Variants in ZFAT observed in about 807,000 individuals in gnomAD.
ZFAT encodes zinc finger protein ZFAT.
In ZFAT, 64 loss-of-function variants were observed where a neutral mutation model predicts 117.7. The observed-to-expected ratio is 0.54, with a 90% confidence interval of 0.44 to 0.67. The LOEUF (loss-of-function observed/expected upper bound fraction) is 0.67, where lower values mean the gene tolerates loss of function less well. ZFAT is among the 30% of genes least tolerant of loss of function. The pLI is 0.00. For synonymous variants in ZFAT, 679 were observed against 615.0 expected (o/e 1.10, Z -1.54); for missense variants, 1,433 against 1,584.5 (o/e 0.90, Z 1.62).
the ZFAT span, among the ~76,000 whole-genome samples, chr8:134,807,073 A>T: frequency 1.3e-5 from 2 of 152,238 alleles, no homozygotes; most frequent in Non-Finnish European, 2.9e-5. Context: ...GCATACATAC[A>T]ATCTGCTGTA....
chr8:134,674,409 G>A (rs1384093982), intron 1 of ZFAT, among the ~76,000 whole-genome samples: 1 of 152,184 alleles, frequency 6.6e-6, no homozygotes, highest in East Asian at 1.9e-4. Context: ...GGAGCTTGGT[G>A]GGGGAAGGGG....
intron 3 of ZFAT, among the ~76,000 whole-genome samples, chr8:134,622,528 T>A (rs367615249): frequency 6.6e-6 from 1 of 152,122 alleles, no homozygotes; most frequent in South Asian, 2.1e-4. Context: ...GGACCATTAC[T>A]TAAGGAACAG....
chr8:134,615,457 A>G (rs191409049), intron 3 of ZFAT, among the ~76,000 whole-genome samples: 27 of 152,042 alleles, frequency 1.8e-4, no homozygotes, highest in African/African-American at 6.5e-4. Context: ...CCAAAGTGCT[A>G]AGATTACATG....
intron 13 of ZFAT, among the ~76,000 whole-genome samples, chr8:134,519,053 T>C (rs952764407): frequency 1.3e-5 from 2 of 152,230 alleles, no homozygotes; most frequent in African/African-American, 4.8e-5. Context: ...TAATATCTGG[T>C]AGGATTCTCC....
At chr8:134,579,680 G>A (rs1825582914) in intron 10 of ZFAT, among the ~76,000 whole-genome samples, 1 of 152,170 alleles carries the variant, frequency 6.6e-6, no homozygotes, top group Non-Finnish European at 1.5e-5. Flanking sequence ...AGAACACATG[G>A]TGGCTCATGC....
rs1238005757 is a variant in ZFAT at position 134,509,916 on chromosome 8, T to C, written c.3362-167A>G. 4.4e-5 allele frequency: 36 copies of C among 809,138 alleles called. No homozygotes were observed. In the East Asian group the frequency reaches 8.4e-4, roughly 19 times the overall value. The allele number at this position is 809,138 out of a possible 1,614,324, so 50.1% of individuals were successfully genotyped here. A position where few individuals can be genotyped will look rare whatever the true frequency, so the allele number is the denominator to read the frequency against. On this transcript the variant is annotated intron_variant, in intron 14 of 15. Transcript: ENST00000377838. ...CAGAAATAATCTGTATAGTGCTTTA[T>C]AGCTTACAAAGCATTTTCTATAAGA...
chr8:134,738,800 CA>C, the ZFAT span, among the ~76,000 whole-genome samples: 3 of 152,064 alleles, frequency 2.0e-5, no homozygotes, highest in Non-Finnish European at 4.4e-5. Flanking sequence ...TGCAAAGGCC[CA>C]GGGGGAGAGC....
chr8:134,486,713 CAGG>C (rs765497675), intron 15 of ZFAT, among the ~76,000 whole-genome samples: 1 of 152,120 alleles, frequency 6.6e-6, no homozygotes, highest in Non-Finnish European at 1.5e-5. Context: ...AGAAAGCCAC[CAGG>C]AGAACAGAGC....
chr8:134,549,582 A>G (rs553001511), intron 11 of ZFAT, among the ~76,000 whole-genome samples: 1 of 152,328 alleles, frequency 6.6e-6, no homozygotes, highest in Admixed American at 6.5e-5. Flanking sequence ...CACTAGGCCC[A>G]TGGCCAAAGA....
chr8:134,827,447 A>T, the ZFAT span, among the ~76,000 whole-genome samples: 1 of 152,182 alleles, frequency 6.6e-6, no homozygotes, highest in Non-Finnish European at 1.5e-5. Context: ...ACATATACAT[A>T]TTATTAGATA....
rs1246350975 is a variant in ZFAT at position 134,712,894 on chromosome 8, C to A, written c.-31G>T. On this transcript the variant is annotated 5_prime_UTR_variant, in exon 1 of 16. Transcript: ENST00000377838. The stretch of plus-strand genomic sequence containing the variant: ...CGCCCCACCGCGGAGGAAAAAAAAG[C>A]CTCGGGCTCTTCCGGGCCCCCTCCC... The A allele has an allele frequency of 2.0e-6, 3 of 1,492,382 alleles. No homozygotes were observed. Among genetic ancestry groups the A allele is most frequent in the Middle Eastern group, 1.9e-4 (1 of 5,344 alleles). 92.4% of individuals were successfully genotyped at this position (1,492,382 alleles called of 1,614,324 possible). A position where few individuals can be genotyped will look rare whatever the true frequency, so the allele number is the denominator to read the frequency against.
At position 134,500,635 on chromosome 8, in the gene ZFAT, A is replaced by G. The variant is rs372127601; in HGVS notation, c.3492+8984T>C. On this transcript the variant is annotated intron_variant, in intron 15 of 15. Coordinates refer to ENST00000377838, the MANE Select transcript of ZFAT (RefSeq NM_020863.4). ...GGGAAAGGATGCAATGTGGAGTAGCAGCCATCCAAAGTCATACCAGAAGCA... is the reference window on the plus strand; with the variant it reads ...GGGAAAGGATGCAATGTGGAGTAGCGGCCATCCAAAGTCATACCAGAAGCA... 2.8e-4 allele frequency among the ~76,000 whole-genome samples: 43 copies of G among 152,340 alleles called. No individual in the cohort carries two copies. In the East Asian group the frequency reaches 7.3e-3, roughly 26 times the overall value.
At chr8:134,711,624 AAAATTAAAAAAATT>A (rs1335278592) in intron 1 of ZFAT, among the ~76,000 whole-genome samples, 1 of 152,196 alleles carries the variant, frequency 6.6e-6, no homozygotes, top group Admixed American at 6.5e-5. Flanking sequence ...TCTGTCCCAA[AAAATTAAAAAAATT>A]AAATTAAAAA....
chr8:134,586,666 T>C (rs185185614), intron 9 of ZFAT, among the ~76,000 whole-genome samples: 220 of 152,376 alleles, frequency 1.4e-3, no homozygotes, highest in African/African-American at 4.9e-3. Flanking sequence ...GACCATCGGC[T>C]ACGAATGCCT....
chr8:134,637,397 C>T (rs182338664), intron 3 of ZFAT, 64 bp downstream of exon 3: 1 of 1,550,920 alleles, frequency 6.4e-7, no homozygotes, highest in East Asian at 2.3e-5. Flanking sequence ...CCAGTGAAAC[C>T]TGATATTAGC....
intron 12 of ZFAT, among the ~76,000 whole-genome samples, chr8:134,528,858 C>T (rs899724125): frequency 2.0e-5 from 3 of 152,212 alleles, no homozygotes; most frequent in African/African-American, 7.2e-5. Context: ...CAACGACTGC[C>T]TTGTTTGACA....
At chr8:134,827,433 A>G in the ZFAT span, among the ~76,000 whole-genome samples, 114 of 152,208 alleles carry the variant, frequency 7.5e-4, no homozygotes, top group South Asian at 4.1e-4. Context: ...CATGTAGTGG[A>G]CATACATATA....
the ZFAT span, among the ~76,000 whole-genome samples, chr8:134,780,979 T>C: frequency 6.6e-6 from 1 of 152,256 alleles, no homozygotes; most frequent in Non-Finnish European, 1.5e-5. Context: ...ATACTTTTCA[T>C]ATGACTAATT....
intron 11 of ZFAT, among the ~76,000 whole-genome samples, chr8:134,543,778 T>C (rs1053771890): frequency 1.3e-5 from 2 of 152,180 alleles, no homozygotes; most frequent in Non-Finnish European, 2.9e-5. Context: ...TCACGTTGGA[T>C]TCAATGCTGA....
Sources: allele counts gnomAD v4.1 joint callset (sites outside exome capture counted in the v4.1 genomes callset), GRCh38; gene constraint gnomAD v4.1.1; transcripts MANE v1.5; gene names NCBI Gene and HGNC (gene_info 2026-07-23, HGNC 2026-07-21).